TLN2: variants seen among roughly 807,000 people sequenced by gnomAD.
The protein encoded by TLN2 is talin 2, also known as talin-2.
A neutral mutation model predicts 294.7 loss-of-function variants in TLN2; 118 were observed. The observed-to-expected ratio is 0.40, with a 90% CI of 0.34 to 0.47. The LOEUF (loss-of-function observed/expected upper bound fraction) is 0.47, where lower values mean the gene tolerates loss of function less well. TLN2 is among the 20% of genes least tolerant of loss of function. TLN2 has a pLI of 0.84. For synonymous variants in TLN2, 1,431 were observed against 1,304.5 expected, an observed-to-expected ratio of 1.10 and a Z score of -2.09; for missense variants, 3,083 against 3,282.2, an observed-to-expected ratio of 0.94 and a Z score of 1.48.
chr15:62,466,658 C>T (rs969572301), intron 1 of TLN2, among the ~76,000 whole-genome samples: 1 of 152,220 alleles, frequency 6.6e-6, no homozygotes, highest in African/African-American at 2.4e-5. Context: ...ATAAAATGCA[C>T]AGCTGAGATA....
At chr15:62,626,761 T>C (rs2049323028) in intron 3 of TLN2, among the ~76,000 whole-genome samples, 1 of 152,170 alleles carries the variant, frequency 6.6e-6, no homozygotes, top group African/African-American at 2.4e-5. Context: ...GGCCCATTTA[T>C]TGCTACTTGG....
intron 1 of TLN2, among the ~76,000 whole-genome samples, chr15:62,474,396 G>A (rs1304520303): frequency 6.6e-6 from 1 of 151,830 alleles, no homozygotes; most frequent in Admixed American, 6.5e-5. Context: ...TAATCCCAGT[G>A]CTTTGGGAGG....
chr15:62,729,229 A>ATTAC (rs1419923519), intron 28 of TLN2, among the ~76,000 whole-genome samples: 1 of 152,116 alleles, frequency 6.6e-6, no homozygotes, highest in Non-Finnish European at 1.5e-5. Flanking sequence ...TGCTTCCCTA[A>ATTAC]TTACTATATT....
chr15:62,713,492 G>A (rs1490829784), intron 22 of TLN2, among the ~76,000 whole-genome samples: 5 of 151,648 alleles, frequency 3.3e-5, no homozygotes, highest in Admixed American at 6.6e-5. Flanking sequence ...CAGCCTGACC[G>A]ACATGGCAAA....
intron 1 of TLN2, among the ~76,000 whole-genome samples, chr15:62,414,452 A>G (rs901289055): frequency 2.2e-5 from 3 of 139,130 alleles, no homozygotes; most frequent in Non-Finnish European, 3.0e-5. Context: ...GTCCAGGACC[A>G]GTGGCAGCAG....
At chr15:62,470,469 G>C (rs1164820945) in intron 1 of TLN2, among the ~76,000 whole-genome samples, 20 of 152,252 alleles carry the variant, frequency 1.3e-4, no homozygotes, top group Admixed American at 1.3e-3. Context: ...CATCTCTGGG[G>C]TGCTAGGCTG....
intron 1 of TLN2, among the ~76,000 whole-genome samples, chr15:62,486,534 G>A (rs1203467278): frequency 7.4e-6 from 1 of 134,988 alleles, no homozygotes; most frequent in African/African-American, 2.8e-5. Context: ...TAGCTATTTT[G>A]GTTTGTGTGG....
intron 54 of TLN2, among the ~76,000 whole-genome samples, chr15:62,827,223 C>G (rs1340035567): frequency 6.6e-6 from 1 of 152,134 alleles, no homozygotes; most frequent in Non-Finnish European, 1.5e-5. Context: ...ACATTCTCTT[C>G]CCCTGCCCAA....
intron 9 of TLN2, among the ~76,000 whole-genome samples, chr15:62,659,276 C>A (rs562939178): frequency 6.6e-6 from 1 of 152,132 alleles, no homozygotes; most frequent in Non-Finnish European, 1.5e-5. Flanking sequence ...AGAGGTTCTC[C>A]GCAAATAGCT....
At chr15:62,607,927 G>A (rs1275050658) in intron 2 of TLN2, among the ~76,000 whole-genome samples, 1 of 152,142 alleles carries the variant, frequency 6.6e-6, no homozygotes, top group African/African-American at 2.4e-5. Flanking sequence ...TCCCTTCTTT[G>A]CTAATGTCTA....
chr15:62,829,430 TACTC>T (rs951078545), intron 54 of TLN2: 19 of 152,170 alleles, frequency 1.2e-4, no homozygotes, highest in African/African-American at 3.1e-4. Flanking sequence ...TCATGAAACT[TACTC>T]ACTATCACGA....
intron 1 of TLN2, among the ~76,000 whole-genome samples, chr15:62,422,739 C>G (rs905661909): frequency 1.5e-4 from 23 of 152,190 alleles, no homozygotes; most frequent in African/African-American, 5.3e-4. Context: ...ATCAACCCAT[C>G]TTCAACTCCT....
At chr15:62,539,466 G>C (rs932953207) in intron 1 of TLN2, among the ~76,000 whole-genome samples, 5 of 152,176 alleles carry the variant, frequency 3.3e-5, no homozygotes, top group Admixed American at 6.5e-5. Flanking sequence ...TTCACTGGGA[G>C]GGGCTGTTCC....
chr15:62,806,150 T>G (rs1360051256), intron 51 of TLN2, among the ~76,000 whole-genome samples: 1 of 152,008 alleles, frequency 6.6e-6, no homozygotes, highest in African/African-American at 2.4e-5. Flanking sequence ...GAGCTATGAT[T>G]ATGCTGCACT....
At chr15:62,559,962 G>T (rs2042827566) in intron 1 of TLN2, among the ~76,000 whole-genome samples, 1 of 152,160 alleles carries the variant, frequency 6.6e-6, no homozygotes, top group Non-Finnish European at 1.5e-5. Flanking sequence ...CAAATAGAAT[G>T]GCTCAGTTAC....
At chr15:62,437,625 T>C (rs956883238) in intron 1 of TLN2, among the ~76,000 whole-genome samples, 1 of 152,192 alleles carries the variant, frequency 6.6e-6, no homozygotes, top group African/African-American at 2.4e-5. Context: ...GTGTGTCATC[T>C]GGAGCCATTC....
At chr15:62,773,792 A>T (rs138129446) in intron 42 of TLN2, among the ~76,000 whole-genome samples, 14 of 152,198 alleles carry the variant, frequency 9.2e-5, no homozygotes, top group African/African-American at 3.4e-4. Flanking sequence ...TTCTGCACCT[A>T]AACAATGAAG....
chr15:62,447,614 C>G (rs1466801287), intron 1 of TLN2, among the ~76,000 whole-genome samples: 2 of 151,902 alleles, frequency 1.3e-5, no homozygotes, highest in Non-Finnish European at 2.9e-5. Flanking sequence ...CTGCCTCAGC[C>G]TCCTGAGTAG....
chr15:62,419,971 G>T (rs539018444), intron 1 of TLN2, among the ~76,000 whole-genome samples: 2 of 152,242 alleles, frequency 1.3e-5, no homozygotes, highest in South Asian at 4.2e-4. Context: ...TCCCTGTTAG[G>T]TTTACTTCCT....
Sources: gnomAD v4.1 joint callset for allele counts (sites outside exome capture counted in the v4.1 genomes callset) on GRCh38, gnomAD v4.1.1 for gene constraint, MANE v1.5 for transcripts, NCBI Gene and HGNC (gene_info 2026-07-23, HGNC 2026-07-21) for gene names.